BRWD1: variants seen among roughly 807,000 people sequenced by gnomAD.
BRWD1 encodes the protein bromodomain and WD repeat-containing protein 1.
BRWD1 carries 82 observed loss-of-function variants against 251.2 expected under a neutral mutation model. The observed-to-expected ratio is 0.33, with a 90% confidence interval of 0.27 to 0.39. BRWD1 has a LOEUF of 0.39. Ranked by LOEUF, BRWD1 falls within the 10% of genes least tolerant of loss-of-function variation. The pLI, the probability that BRWD1 is intolerant of heterozygous loss-of-function variation, is 1.00. For synonymous variants in BRWD1, 918 were observed against 902.8 expected, an observed-to-expected ratio of 1.02 and a Z score of -0.30; for missense variants, 2,233 against 2,711.6, an observed-to-expected ratio of 0.82 and a Z score of 3.92.
chr21:39,217,402 CA>C, intron 31 of BRWD1: 1 of 197,972 alleles, frequency 5.1e-6, no homozygotes, highest in Non-Finnish European at 1.0e-5. Context: ...TGGCCTCCCA[CA>C]AAAATTATTT....
At chr21:39,272,677 G>A (rs1269201619) in intron 13 of BRWD1, among the ~76,000 whole-genome samples, 1 of 149,296 alleles carries the variant, frequency 6.7e-6, no homozygotes, top group Non-Finnish European at 1.5e-5. Context: ...GCTCCATCTA[G>A]GCTCACTGAA....
intron 8 of BRWD1, among the ~76,000 whole-genome samples, chr21:39,280,665 T>A (rs1014195483): frequency 1.3e-5 from 2 of 152,186 alleles, no homozygotes; most frequent in Non-Finnish European, 2.9e-5. Flanking sequence ...GGAGAAAACA[T>A]GAATCCTAAT....
At chr21:39,289,173 C>A (rs542870879) in intron 8 of BRWD1, among the ~76,000 whole-genome samples, 1 of 152,102 alleles carries the variant, frequency 6.6e-6, no homozygotes, top group Non-Finnish European at 1.5e-5. Flanking sequence ...TCTTGTTTTA[C>A]TTTCTTTATT....
intron 8 of BRWD1, among the ~76,000 whole-genome samples, chr21:39,283,157 G>A (rs947837604): frequency 3.9e-5 from 6 of 152,042 alleles, no homozygotes; most frequent in Non-Finnish European, 7.4e-5. Flanking sequence ...TCTCCAGCAT[G>A]GCTAAACAAT....
chr21:39,197,074 G>C lies in BRWD1; in HGVS notation c.5995C>G (p.Pro1999Ala). ...SEQYACEGKPPDPDSEGSTKV... is the reference protein window; with the variant it reads ...SEQYACEGKPADPDSEGSTKV... ...GTACTACCTTCGGAGTCAGGATCAG[G>C]TGGCTTGCCTTCACAGGCATACTGT... is the stretch of plus-strand genomic sequence containing the variant. The change falls in exon 41 of 41, where the codon CCT becomes GCT. Residue 1999 changes from proline to alanine, a missense_variant. This residue lies in a region of BRWD1 where 928 missense variants were observed against 970.0 expected (regional missense o/e 0.96). Coordinates refer to ENST00000342449, the MANE Select transcript of BRWD1 (RefSeq NM_033656.4). The C allele has an allele frequency of 1.2e-6, 2 of 1,614,116 alleles. No homozygotes were observed. The highest frequency in any genetic ancestry group is 1.7e-6 in the Non-Finnish European group (2 of 1,179,970).
intron 34 of BRWD1, among the ~76,000 whole-genome samples, chr21:39,211,641 G>A (rs538796495): frequency 6.6e-6 from 1 of 152,034 alleles, no homozygotes; most frequent in South Asian, 2.1e-4. Flanking sequence ...GAACTATCAG[G>A]TAATACATTT....
chr21:39,226,206 T>C (rs2033376867), intron 27 of BRWD1, among the ~76,000 whole-genome samples: 1 of 152,170 alleles, frequency 6.6e-6, no homozygotes, highest in Non-Finnish European at 1.5e-5. Context: ...AAGTGTCTTT[T>C]CTATGTTTTT....
At chr21:39,211,032 A>G (rs1376736634) in intron 34 of BRWD1, 103 bp from the exon 35 acceptor site, 1 of 1,186,596 alleles carries the variant, frequency 8.4e-7, no homozygotes, top group Non-Finnish European at 1.2e-6. Context: ...CAATAATGTC[A>G]TATATGTTGC....
intron 5 of BRWD1, chr21:39,297,814 T>C (rs1175195274): frequency 1.1e-6 from 1 of 903,946 alleles, no homozygotes; most frequent in Non-Finnish European, 1.3e-6. Context: ...TCTTTGCCCA[T>C]TAGCAGTTTA....
intron 4 of BRWD1, 79 bp downstream of exon 4, chr21:39,312,762 G>T: frequency 8.1e-7 from 1 of 1,237,908 alleles, no homozygotes; most frequent in Non-Finnish European, 1.1e-6. Context: ...CCCACGGGCC[G>T]GGGTCCCCGC....
In BRWD1 at chr21:39,194,932, C is replaced by A; in HGVS notation, c.*1327G>T. On this transcript the variant is annotated 3_prime_UTR_variant, in exon 41 of 41. Transcript: ENST00000342449. ...GTGGGGTACTGTAACATATCCCTTA[C>A]CCACTAAATATGTAAACCATTTGAA... is the stretch of plus-strand genomic sequence containing the variant. 6.7e-7 allele frequency: 1 copy of A among 1,485,476 alleles called. No homozygotes were observed. Among genetic ancestry groups the A allele is most frequent in the South Asian group, 1.3e-5 (1 of 74,480 alleles). 92.0% of individuals were successfully genotyped at this position (1,485,476 alleles called of 1,614,324 possible).
intron 21 of BRWD1, among the ~76,000 whole-genome samples, chr21:39,244,854 T>C (rs1210124845): frequency 2.7e-5 from 4 of 147,388 alleles, no homozygotes; most frequent in Non-Finnish European, 5.9e-5. Context: ...TTCCAAACCA[T>C]GATACAACCT....
At position 39,196,592 on chromosome 21, in the gene BRWD1, A is replaced by G. The variant is rs1010343136; in HGVS notation, c.6477T>C (p.Asp2159=). ...TATCTGATTCAGTTACAGATCCCAAATCTGATGATTTGGAACTAGTATCAG... is the reference window on the plus strand; with the variant it reads ...TATCTGATTCAGTTACAGATCCCAAGTCTGATGATTTGGAACTAGTATCAG... ...FRPDTSSKSS[D]LGSVTESDID... is the part of the protein sequence containing the mutation. Residue 2159 remains aspartate (D), a synonymous_variant, in exon 41 of 41, where the codon GAT becomes GAC. Coordinates refer to ENST00000342449, the MANE Select transcript of BRWD1 (RefSeq NM_033656.4). 5.6e-6 allele frequency: 9 copies of G among 1,613,370 alleles called. No homozygotes were observed. The Middle Eastern group carries it at 8.2e-4, about 147-fold the overall frequency.
At position 39,194,446 on chromosome 21, in the gene BRWD1, T is replaced by G. The variant is rs2836935; in HGVS notation, c.*1813A>C. 0.16 allele frequency: 209,301 copies of G among 1,308,104 alleles called. 18,173 individuals are homozygous for G. Among genetic ancestry groups the G allele is most frequent in the Admixed American group, 0.22 (5,895 of 27,330 alleles). 81.0% of individuals were successfully genotyped at this position (1,308,104 alleles called of 1,614,324 possible). A position where few individuals can be genotyped will look rare whatever the true frequency, so the allele number is the denominator to read the frequency against. On this transcript the variant is annotated 3_prime_UTR_variant, in exon 41 of 41. Coordinates refer to ENST00000342449, the MANE Select transcript of BRWD1 (RefSeq NM_033656.4). ...CTTTTCAGTCTTAGTCAAGGACAATTATCATGAATCAATCTGTTTACTATC... is the reference window on the plus strand; with the variant it reads ...CTTTTCAGTCTTAGTCAAGGACAATGATCATGAATCAATCTGTTTACTATC...
intron 12 of BRWD1, 98 bp downstream of exon 12, chr21:39,276,075 G>GA: frequency 9.4e-7 from 1 of 1,066,912 alleles, no homozygotes; most frequent in Non-Finnish European, 1.3e-6. Flanking sequence ...AATATAAAGG[G>GA]AAAAAATACA....
In BRWD1 at chr21:39,191,215, C is replaced by G. The variant is rs1008068037; in HGVS notation, c.*5044G>C. ...CCACAGACAATCCAATGGCAAACCC[C>G]TTTTCCAGCAGGGCTCCTGACTCGC... On this transcript the variant is annotated 3_prime_UTR_variant, in exon 41 of 41. Coordinates refer to ENST00000342449, the MANE Select transcript of BRWD1 (RefSeq NM_033656.4). 5.1e-6 allele frequency: 5 copies of G among 985,194 alleles called. No individual in the cohort carries two copies. The highest frequency in any genetic ancestry group is 9.4e-5 in the South Asian group (2 of 21,284). The allele number at this position is 985,194 out of a possible 1,614,324, so 61.0% of individuals were successfully genotyped here.
At chr21:39,309,485 G>C (rs1274608239) in intron 4 of BRWD1, among the ~76,000 whole-genome samples, 2 of 152,086 alleles carry the variant, frequency 1.3e-5, no homozygotes, top group African/African-American at 2.4e-5. Flanking sequence ...ATCAGTCAAT[G>C]CATGTATGGA....
At chr21:39,250,395 G>A (rs2034355371) in intron 20 of BRWD1, among the ~76,000 whole-genome samples, 1 of 151,756 alleles carries the variant, frequency 6.6e-6, no homozygotes, top group Admixed American at 6.6e-5. Flanking sequence ...GGTCCACAGG[G>A]AAGCAAGACA....
intron 27 of BRWD1, among the ~76,000 whole-genome samples, chr21:39,226,155 A>C (rs1279845910): frequency 1.3e-5 from 2 of 152,148 alleles, no homozygotes; most frequent in Non-Finnish European, 2.9e-5. Flanking sequence ...CAACCCTTTA[A>C]ATAAAAAGGA....
Sources: allele counts gnomAD v4.1 joint callset (sites outside exome capture counted in the v4.1 genomes callset), GRCh38; gene constraint gnomAD v4.1.1; regional missense constraint gnomAD v4.1.1; transcripts MANE v1.5; gene names NCBI Gene and HGNC (gene_info 2026-07-23, HGNC 2026-07-21).